Variants in SCN11A observed in about 807,000 individuals in gnomAD.
The protein encoded by SCN11A is sodium voltage-gated channel alpha subunit 11.
A neutral mutation model predicts 162.2 loss-of-function variants in SCN11A; 122 were observed. The ratio of observed to expected loss-of-function variants is 0.75; its 90% CI spans 0.65 to 0.87. The LOEUF (loss-of-function observed/expected upper bound fraction) is 0.87. Ranked by LOEUF, SCN11A falls within the 40% of genes least tolerant of loss-of-function variation. SCN11A has a pLI of 0.00. For synonymous variants in SCN11A, 758 were observed against 751.5 expected, an observed-to-expected ratio of 1.01 and a Z score of -0.14; for missense variants, 2,015 against 2,181.6, an observed-to-expected ratio of 0.92 and a Z score of 1.52.
intron 2 of SCN11A, among the ~76,000 whole-genome samples, chr3:39,012,895 G>GA (rs1235360019): frequency 6.6e-6 from 1 of 152,132 alleles, no homozygotes; most frequent in Non-Finnish European, 1.5e-5. Flanking sequence ...TATGTGGGCA[G>GA]AAAAAAGGTA....
At chr3:38,902,940 C>T (rs1289995265) in intron 16 of SCN11A, among the ~76,000 whole-genome samples, 1 of 151,914 alleles carries the variant, frequency 6.6e-6, no homozygotes, top group Non-Finnish European at 1.5e-5. Context: ...CACATACATA[C>T]ATGCTTACAT....
At chr3:38,863,684 T>G (rs1257815960) in intron 27 of SCN11A, among the ~76,000 whole-genome samples, 1 of 152,070 alleles carries the variant, frequency 6.6e-6, no homozygotes. Context: ...TGAATTTCTC[T>G]TAAATAATGA....
At position 38,935,179 on chromosome 3, in the gene SCN11A, A is replaced by C. The variant is rs545589992; in HGVS notation, c.489-8248T>G. ...GAAATAAAGATGTTCTTTGAAACCAACGAGAGCAGACACAACACACCAGAA... is the reference window on the plus strand; with the variant it reads ...GAAATAAAGATGTTCTTTGAAACCACCGAGAGCAGACACAACACACCAGAA... On this transcript the variant is annotated intron_variant, in intron 7 of 29. Coordinates refer to ENST00000302328, the MANE Select transcript of SCN11A (RefSeq NM_001349253.2). Among the ~76,000 whole-genome samples, 154 of 152,266 alleles carry C rather than the reference A, an allele frequency of 1.0e-3. 1 individual carries two copies. In the South Asian group the frequency reaches 0.018, roughly 18 times the overall value.
intron 2 of SCN11A, among the ~76,000 whole-genome samples, chr3:39,025,594 T>C (rs920415618): frequency 6.6e-6 from 1 of 152,126 alleles, no homozygotes; most frequent in Non-Finnish European, 1.5e-5. Context: ...TAAACTGTCA[T>C]GGCGCTGGTG....
Position 38,880,127 on chromosome 3 carries a change from A to C in SCN11A, c.3220-4T>G. 1 of 1,603,632 alleles carries C rather than the reference A, an allele frequency of 6.2e-7. No individual in the cohort carries two copies. Among genetic ancestry groups the C allele is most frequent in the Non-Finnish European group, 8.5e-7 (1 of 1,174,368 alleles). On this transcript the variant is annotated splice_region_variant and splice_polypyrimidine_tract_variant and intron_variant, in intron 22 of 29. Coordinates refer to ENST00000302328, the MANE Select transcript of SCN11A (RefSeq NM_001349253.2). ...CAAGGTGAACATCTTCAAATATCTG[A>C]AATGAAAAAGCATAGCCATAGGCCA...
At chr3:38,993,182 T>G (rs2030506811) in intron 2 of SCN11A, among the ~76,000 whole-genome samples, 1 of 152,224 alleles carries the variant, frequency 6.6e-6, no homozygotes, top group Non-Finnish European at 1.5e-5. Flanking sequence ...CCTGGACTCC[T>G]CTGGGGTGGC....
At chr3:39,002,609 C>T (rs570225513) in intron 2 of SCN11A, among the ~76,000 whole-genome samples, 1 of 152,328 alleles carries the variant, frequency 6.6e-6, no homozygotes, top group Non-Finnish European at 1.5e-5. Context: ...AGATGTAGTA[C>T]AATTCTTCAC....
In SCN11A at chr3:38,886,214, T is replaced by C. The variant is rs1485132220; in HGVS notation, c.2860A>G (p.Lys954Glu). The change falls in exon 20 of 30, where the codon AAG (lysine) becomes GAG (glutamate). Residue 954 changes from lysine (K) to glutamate (E), a missense_variant. Coordinates refer to ENST00000302328, the MANE Select transcript of SCN11A (RefSeq NM_001349253.2). ...TGAACTCTCTGGCTCGTGGGCTTCT[T>C]GTTCTCCTGATGGAGCTCATAGGCC... is the stretch of plus-strand genomic sequence containing the variant. ...QQAYELHQENKKPTSQRVQSV... is the reference protein window; with the variant it reads ...QQAYELHQENEKPTSQRVQSV... 1 of 1,612,742 alleles carries C rather than the reference T, an allele frequency of 6.2e-7. No homozygotes were observed. The highest frequency in any genetic ancestry group is 1.1e-5 in the South Asian group (1 of 90,996).
In SCN11A at chr3:39,008,077, G is replaced by A. The variant is rs534396107; in HGVS notation, c.-280+24303C>T. Among the ~76,000 whole-genome samples, 342 of 152,300 alleles carry A rather than the reference G, an allele frequency of 2.2e-3. 1 individual carries two copies. The highest frequency in any genetic ancestry group is 7.8e-3 in the African/African-American group (325 of 41,560). Reference sequence around the variant, plus strand: ...GGTGTGGGAAATCTACACATTTGGTGTCAGAAGTGTTTTGAATAGAGGCAA... The same window carrying A: ...GGTGTGGGAAATCTACACATTTGGTATCAGAAGTGTTTTGAATAGAGGCAA... On this transcript the variant is annotated intron_variant, in intron 2 of 29. Transcript: ENST00000302328.
In SCN11A at chr3:38,846,956, G is replaced by T. The variant is rs1409670951; in HGVS notation, c.5114C>A (p.Ala1705Glu). Residue 1705 changes from alanine to glutamate, a missense_variant, in exon 30 of 30, where the codon GCA becomes GAA. Transcript: ENST00000302328. Reference protein sequence around the residue: ...GGSDGLDSMKAMMEEKFMEAN... With the variant: ...GGSDGLDSMKEMMEEKFMEAN... The stretch of plus-strand genomic sequence containing the variant: ...TTCCATGAACTTCTCTTCCATCATT[G>T]CTTTCATACTATCTAGGCCATCAGA... 1.2e-6 allele frequency: 2 copies of T among 1,614,094 alleles called. No homozygotes were observed. Among genetic ancestry groups the T allele is most frequent in the Admixed American group, 3.3e-5 (2 of 60,016 alleles).
At chr3:39,008,461 TTTGGTGA>T (rs2031036990) in intron 2 of SCN11A, among the ~76,000 whole-genome samples, 1 of 152,100 alleles carries the variant, frequency 6.6e-6, no homozygotes, top group Non-Finnish European at 1.5e-5. Flanking sequence ...TCCTCTGGAT[TTTGGTGA>T]AAGGAGACAC....
rs2065123245 is a variant in SCN11A, at chr3:38,871,432, T to C, written c.3759+13A>G. Reference sequence around the variant, plus strand: ...TTTCTCCTCAGAGTGAAAAACATACTGACTGTACTTACCACTTGCAGCAGA... The same window carrying C: ...TTTCTCCTCAGAGTGAAAAACATACCGACTGTACTTACCACTTGCAGCAGA... On this transcript the variant is annotated intron_variant, in intron 25 of 29. Transcript: ENST00000302328. 6.4e-7 allele frequency: 1 copy of C among 1,573,834 alleles called. No individual in the cohort carries two copies. Among genetic ancestry groups the C allele is most frequent in the Non-Finnish European group, 8.6e-7 (1 of 1,164,584 alleles).
At position 38,926,944 on chromosome 3, in the gene SCN11A, T is replaced by A; in HGVS notation, c.489-13A>T. 1 of 1,609,230 alleles carries A rather than the reference T, an allele frequency of 6.2e-7. No homozygotes were observed. The highest frequency in any genetic ancestry group is 8.5e-7 in the Non-Finnish European group (1 of 1,177,520). ...AGTGAAGACACACCTAAAAAGCAAA[T>A]CATTTACAACAGGAAGAAACATGAT... On this transcript the variant is annotated splice_polypyrimidine_tract_variant and intron_variant, in intron 7 of 29. Coordinates refer to ENST00000302328, the MANE Select transcript of SCN11A (RefSeq NM_001349253.2).
At chr3:38,870,611 C>T in intron 26 of SCN11A, 80 bp downstream of exon 26, 1 of 1,197,580 alleles carries the variant, frequency 8.4e-7, no homozygotes, top group Non-Finnish European at 1.2e-6. Flanking sequence ...AACTATGACG[C>T]CAGTTCTGGA....
At chr3:39,042,668 A>G (rs979985359) in intron 1 of SCN11A, among the ~76,000 whole-genome samples, 1 of 152,122 alleles carries the variant, frequency 6.6e-6, no homozygotes, top group Non-Finnish European at 1.5e-5. Context: ...TCAAGAAATG[A>G]GCAAAAGGTC....
chr3:38,957,595 T>C (rs2066697887), intron 3 of SCN11A, among the ~76,000 whole-genome samples: 1 of 152,176 alleles, frequency 6.6e-6, no homozygotes, highest in African/African-American at 2.4e-5. Flanking sequence ...AAGACCTTCA[T>C]GAGCCCAGGG....
intron 9 of SCN11A, among the ~76,000 whole-genome samples, chr3:38,923,010 G>T (rs1195617799): frequency 6.6e-6 from 1 of 152,146 alleles, no homozygotes; most frequent in Non-Finnish European, 1.5e-5. Flanking sequence ...GTAAAGAAAA[G>T]AGAGGAAAGG....
At chr3:38,923,564 C>T (rs561865778) in intron 9 of SCN11A, among the ~76,000 whole-genome samples, 2 of 152,290 alleles carry the variant, frequency 1.3e-5, no homozygotes, top group South Asian at 2.1e-4. Flanking sequence ...CTCTTTTGCT[C>T]ACACCATGTA....
At chr3:38,940,544 C>T (rs1008367019) in intron 7 of SCN11A, among the ~76,000 whole-genome samples, 3 of 152,174 alleles carry the variant, frequency 2.0e-5, no homozygotes, top group African/African-American at 7.2e-5. Context: ...AGTAACATTT[C>T]ACATCAGAGG....
Sources: gnomAD v4.1 joint callset for allele counts (sites outside exome capture counted in the v4.1 genomes callset) on GRCh38, gnomAD v4.1.1 for gene constraint, MANE v1.5 for transcripts, NCBI Gene and HGNC (gene_info 2026-07-23, HGNC 2026-07-21) for gene names.